MAN1A1: variants seen among roughly 807,000 people sequenced by gnomAD.
MAN1A1 encodes mannosyl-oligosaccharide 1,2-alpha-mannosidase IA.
A neutral mutation model predicts 70.8 loss-of-function variants in MAN1A1; 29 were observed. The observed-to-expected ratio is 0.41, with a 90% CI of 0.31 to 0.56. The LOEUF (loss-of-function observed/expected upper bound fraction) is 0.56. MAN1A1 is among the 20% of genes least tolerant of loss of function. The probability of loss-of-function intolerance (pLI) is 0.29; values close to 1 mark genes in which losing one functional copy is unlikely to be tolerated. For missense variants in MAN1A1, 747 were observed against 841.3 expected (o/e 0.89, Z 1.39); for synonymous variants, 349 against 330.1 (o/e 1.06, Z -0.62).
At chr6:119,298,207 A>T (rs1307739680) in intron 4 of MAN1A1, among the ~76,000 whole-genome samples, 2 of 152,192 alleles carry the variant, frequency 1.3e-5, no homozygotes, top group Non-Finnish European at 2.9e-5. Context: ...TTTTCTGCTA[A>T]TATCTATGTG....
rs745796899 is a variant in MAN1A1 at position 119,189,899 on chromosome 6, A to AT, written c.1327-17dup. The AT allele has an allele frequency of 3.0e-5, 47 of 1,577,378 alleles. No individual in the cohort carries two copies. Among genetic ancestry groups the AT allele is most frequent in the Middle Eastern group, 1.7e-4 (1 of 5,998 alleles). ...TCTCGATAGCCTGTGAAAAACACTT[A>AT]TTTTTTAACATTTTGTAATCTCTTC... is the stretch of plus-strand genomic sequence containing the variant. On this transcript the variant is annotated splice_polypyrimidine_tract_variant and intron_variant, in intron 9 of 12. Coordinates refer to ENST00000368468, the MANE Select transcript of MAN1A1 (RefSeq NM_005907.4).
intron 2 of MAN1A1, among the ~76,000 whole-genome samples, chr6:119,312,693 C>T (rs1296383362): frequency 6.6e-6 from 1 of 152,154 alleles, no homozygotes; most frequent in Non-Finnish European, 1.5e-5. Flanking sequence ...AAGCCTGAGG[C>T]CAGCTGCCTC....
chr6:119,312,100 T>C (rs1293329003), intron 2 of MAN1A1, among the ~76,000 whole-genome samples: 1 of 152,138 alleles, frequency 6.6e-6, no homozygotes, highest in Admixed American at 6.6e-5. Context: ...GGTCCAGTGA[T>C]ACTCATGTCC....
chr6:119,285,886 G>T (rs1379379391), intron 5 of MAN1A1, among the ~76,000 whole-genome samples: 1 of 152,016 alleles, frequency 6.6e-6, no homozygotes, highest in Admixed American at 6.6e-5. Flanking sequence ...TTATTTTATG[G>T]TATCAAATTT....
At chr6:119,301,433 G>A (rs1772386197) in intron 4 of MAN1A1, among the ~76,000 whole-genome samples, 1 of 152,126 alleles carries the variant, frequency 6.6e-6, no homozygotes, top group Non-Finnish European at 1.5e-5. Flanking sequence ...AAGAATGATA[G>A]CATACAGAAT....
At position 119,348,973 on chromosome 6, in the gene MAN1A1, C is replaced by G; in HGVS notation, c.93G>C (p.Ser31=). The G allele has an allele frequency of 1.3e-6, 2 of 1,496,686 alleles. No individual in the cohort carries two copies. Among genetic ancestry groups the G allele is most frequent in the Non-Finnish European group, 1.8e-6 (2 of 1,122,410 alleles). The allele number at this position is 1,496,686 out of a possible 1,614,324, so 92.7% of individuals were successfully genotyped here. A position where few individuals can be genotyped will look rare whatever the true frequency, so the allele number is the denominator to read the frequency against. ...GLGGGGGRKG[S]GPAALRLTEK... is the part of the protein sequence containing the mutation. ...CCGTCAGGCGGAGGGCGGCGGGGCC[C>G]GACCCCTTCCTGCCACCGCCGCCGC... is the stretch of plus-strand genomic sequence containing the variant. The change falls in exon 2 of 13, where the codon TCG becomes TCC. Residue 31 remains serine (S), a synonymous_variant. Transcript: ENST00000368468.
chr6:119,244,820 A>G (rs1298510057), intron 6 of MAN1A1, among the ~76,000 whole-genome samples: 2 of 152,166 alleles, frequency 1.3e-5, no homozygotes, highest in Non-Finnish European at 2.9e-5. Context: ...TGCTTTACCA[A>G]CCAGGCTGTG....
At chr6:119,233,047 C>T (rs1362419903) in intron 6 of MAN1A1, among the ~76,000 whole-genome samples, 1 of 152,112 alleles carries the variant, frequency 6.6e-6, no homozygotes, top group African/African-American at 2.4e-5. Context: ...CACTTTCTTG[C>T]TCACTAGACT....
intron 2 of MAN1A1, among the ~76,000 whole-genome samples, chr6:119,311,477 T>C (rs554581069): frequency 9.2e-5 from 14 of 152,308 alleles, no homozygotes; most frequent in African/African-American, 2.9e-4. Context: ...TGCAGGTTCA[T>C]ACACTAGCTT....
At chr6:119,286,556 T>C (rs1366209729) in intron 5 of MAN1A1, among the ~76,000 whole-genome samples, 2 of 152,116 alleles carry the variant, frequency 1.3e-5, no homozygotes, top group East Asian at 3.9e-4. Context: ...AAAAATCCTT[T>C]TGCTGCCTTC....
In MAN1A1 at chr6:119,271,665, A is replaced by G. The variant is rs374707468; in HGVS notation, c.897+19018T>C. Reference sequence around the variant, plus strand: ...CAGGCATGCACCACTACACCTAGCTATTTTTTTTTTGTATTTTTAGTAGAG... The same window carrying G: ...CAGGCATGCACCACTACACCTAGCTGTTTTTTTTTTGTATTTTTAGTAGAG... On this transcript the variant is annotated intron_variant, in intron 5 of 12. Transcript: ENST00000368468. Among the ~76,000 whole-genome samples the G allele has an allele frequency of 2.7e-5, 4 of 149,132 alleles. No individual in the cohort carries two copies. In the East Asian group the frequency reaches 5.9e-4, roughly 22 times the overall value.
chr6:119,211,984 G>A lies in MAN1A1; in HGVS notation c.993-7102C>T, dbSNP rs1489556453. Among the ~76,000 whole-genome samples, 6 of 151,840 alleles carry A rather than the reference G, an allele frequency of 4.0e-5. No homozygotes were observed. The East Asian group carries it at 9.7e-4, about 25-fold the overall frequency. ...AGCCTCCTGAGTAGCTGGGATACAG[G>A]TGCCCACCACCATGCCTGGCTAATT... On this transcript the variant is annotated intron_variant, in intron 6 of 12. Coordinates refer to ENST00000368468, the MANE Select transcript of MAN1A1 (RefSeq NM_005907.4).
At chr6:119,284,932 A>G (rs1353915369) in intron 5 of MAN1A1, among the ~76,000 whole-genome samples, 1 of 152,152 alleles carries the variant, frequency 6.6e-6, no homozygotes, top group African/African-American at 2.4e-5. Context: ...ATAAAGGAAT[A>G]CCTGAGGCTG....
chr6:119,277,737 C>T (rs1372510924), intron 5 of MAN1A1, among the ~76,000 whole-genome samples: 1 of 151,642 alleles, frequency 6.6e-6, no homozygotes, highest in African/African-American at 2.4e-5. Flanking sequence ...GAGATGGAGA[C>T]CATCCTGGTT....
At chr6:119,329,586 C>T (rs1773251909) in intron 2 of MAN1A1, among the ~76,000 whole-genome samples, 1 of 152,140 alleles carries the variant, frequency 6.6e-6, no homozygotes, top group South Asian at 2.1e-4. Context: ...ACTTGTTTGC[C>T]TTGTCCAAAT....
chr6:119,275,558 G>A (rs1000648342), intron 5 of MAN1A1, among the ~76,000 whole-genome samples: 1 of 142,758 alleles, frequency 7.0e-6, no homozygotes, highest in Non-Finnish European at 1.6e-5. Context: ...CGCCCGCCTC[G>A]GCCTCCCAAA....
chr6:119,222,326 A>AT (rs35446116), intron 6 of MAN1A1, among the ~76,000 whole-genome samples: 14,541 of 115,278 alleles, frequency 0.13, 1,274 homozygotes, highest in Non-Finnish European at 0.19. Context: ...TTTTTTAAGG[A>AT]TTTTTTTTTT....
rs915086405 is a variant in MAN1A1 at position 119,261,214 on chromosome 6, C to T, written c.898-12860G>A. 5.9e-5 allele frequency among the ~76,000 whole-genome samples: 9 copies of T among 152,094 alleles called. No individual in the cohort carries two copies. The South Asian group carries it at 1.0e-3, about 18-fold the overall frequency. On this transcript the variant is annotated intron_variant, in intron 5 of 12. Coordinates refer to ENST00000368468, the MANE Select transcript of MAN1A1 (RefSeq NM_005907.4). ...CAGGATGGTCTCGATCTCCTGACCTCGTGATCCACCCGCCTCCACCTCCTA... is the reference window on the plus strand; with the variant it reads ...CAGGATGGTCTCGATCTCCTGACCTTGTGATCCACCCGCCTCCACCTCCTA...
chr6:119,289,987 AACAACCCTTAG>A lies in MAN1A1; in HGVS notation c.897+685_897+695del, dbSNP rs879743468. 4.2e-3 allele frequency among the ~76,000 whole-genome samples: 645 copies of A among 152,166 alleles called. 13 individuals carry two copies. The highest frequency in any genetic ancestry group is 0.039 in the Admixed American group (597 of 15,252). ...CAACATTAAAGATGAGGCCCATTCC[AACAACCCTTAG>A]TGGACACTCAAACGATATTCATAAA... On this transcript the variant is annotated intron_variant, in intron 5 of 12. Transcript: ENST00000368468.
Sources: allele counts gnomAD v4.1 joint callset (sites outside exome capture counted in the v4.1 genomes callset), GRCh38; gene constraint gnomAD v4.1.1; transcripts MANE v1.5; gene names NCBI Gene and HGNC (gene_info 2026-07-23, HGNC 2026-07-21).